Variants in TRIM37 observed in about 807,000 individuals in gnomAD.
TRIM37 encodes the protein tripartite motif containing 37, also known as E3 ubiquitin-protein ligase TRIM37.
Under a neutral mutation model 129.8 loss-of-function variants are expected in TRIM37, and 80 were observed. The observed-to-expected ratio is 0.62, with a 90% CI of 0.51 to 0.74. The LOEUF (loss-of-function observed/expected upper bound fraction) is 0.74, where lower values mean the gene tolerates loss of function less well. TRIM37 is among the 30% of genes least tolerant of loss of function. The pLI, the probability that TRIM37 is intolerant of heterozygous loss-of-function variation, is 0.00. For synonymous variants in TRIM37, 389 were observed against 387.1 expected (o/e 1.00, Z -0.06); for missense variants, 1,054 against 1,176.5 (o/e 0.90, Z 1.52).
At chr17:58,977,806 A>ATG (rs2031107968), downstream of TRIM37, among the ~76,000 whole-genome samples, 1 of 152,104 alleles carries the variant, frequency 6.6e-6, no homozygotes, top group Admixed American at 6.5e-5. Context: ...GCAGTGGCGC[A>ATG]ATCTGGGCTC....
intron 19 of TRIM37, among the ~76,000 whole-genome samples, chr17:59,025,823 C>T (rs1167377662): frequency 6.6e-6 from 1 of 152,142 alleles, no homozygotes; most frequent in African/African-American, 2.4e-5. Flanking sequence ...AAAAGCTGTA[C>T]TTTTGGTTTT....
chr17:59,098,498 C>T (rs748379772), intron 2 of TRIM37, among the ~76,000 whole-genome samples: 17 of 151,868 alleles, frequency 1.1e-4, no homozygotes, highest in Non-Finnish European at 2.1e-4. Flanking sequence ...AACCCTGTCT[C>T]TACAAAAAAT....
intron 13 of TRIM37, among the ~76,000 whole-genome samples, chr17:59,056,036 AT>A (rs1463304092): frequency 1.3e-5 from 2 of 152,194 alleles, no homozygotes; most frequent in Non-Finnish European, 2.9e-5. Context: ...GCTTTATAAA[AT>A]TAAGTTGTAA....
In TRIM37 at chr17:59,079,833, A is replaced by C. The variant is rs756702082; in HGVS notation, c.537T>G (p.Val179=). The C allele has an allele frequency of 5.6e-6, 9 of 1,614,058 alleles. No individual in the cohort carries two copies. Among genetic ancestry groups the C allele is most frequent in the Non-Finnish European group, 6.8e-6 (8 of 1,179,978 alleles). Residue 179 remains valine, a synonymous_variant, in exon 7 of 24, where the codon GTT becomes GTG. Coordinates refer to ENST00000262294, the MANE Select transcript of TRIM37 (RefSeq NM_015294.6). ...TCTCCACTGCATTCCTAATTTCCCG[A>C]ACACGCTCATCTTTTGCATTTCTTA... ...EAVRNAKDER[V]REIRNAVEMM...
chr17:58,989,028 C>T (rs1467419189), intron 24 of TRIM37, among the ~76,000 whole-genome samples: 3 of 152,096 alleles, frequency 2.0e-5, no homozygotes, highest in Non-Finnish European at 4.4e-5. Flanking sequence ...AAACTATTCA[C>T]CAAAGTATCT....
At chr17:59,003,314 A>G (rs2144589465) in intron 22 of TRIM37, among the ~76,000 whole-genome samples, 1 of 152,358 alleles carries the variant, frequency 6.6e-6, no homozygotes, top group Middle Eastern at 3.4e-3. Flanking sequence ...TCAAAGTAAG[A>G]TTTATGTGCC....
At chr17:58,972,074 TAAG>T in the TRIM37 span, 5 of 1,515,868 alleles carry the variant, frequency 3.3e-6, no homozygotes, top group Non-Finnish European at 4.5e-6. Flanking sequence ...TGCTTCTCAA[TAAG>T]AATGTAGTAT....
intron 3 of TRIM37, 107 bp from the exon 4 acceptor site, chr17:59,088,514 A>T: frequency 1.3e-6 from 1 of 767,214 alleles, no homozygotes; most frequent in Non-Finnish European, 2.2e-6. Context: ...ATACCATAAC[A>T]CTATTTTTTT....
chr17:58,996,492 G>A (rs1431429393), downstream of TRIM37, among the ~76,000 whole-genome samples: 2 of 148,406 alleles, frequency 1.3e-5, no homozygotes, highest in Non-Finnish European at 1.5e-5. Flanking sequence ...AAAAAAATCA[G>A]TATCAGGCCA....
chr17:59,066,545 T>C (rs2041933446), intron 9 of TRIM37, among the ~76,000 whole-genome samples: 1 of 152,152 alleles, frequency 6.6e-6, no homozygotes, highest in Admixed American at 6.5e-5. Flanking sequence ...AATGGTGAAG[T>C]AGAAAGCTTC....
chr17:58,980,670 G>A (rs2031302892), downstream of TRIM37: 1 of 1,614,062 alleles, frequency 6.2e-7, no homozygotes, highest in African/African-American at 1.3e-5. This position sits in a 1 kb window ranked among gnomAD's most constrained non-coding sequence, Gnocchi z 4.7. Context: ...GGTTCAACAG[G>A]GGAGCAGATA....
At chr17:59,025,165 T>G (rs2037092046) in intron 19 of TRIM37, among the ~76,000 whole-genome samples, 1 of 152,116 alleles carries the variant, frequency 6.6e-6, no homozygotes, top group South Asian at 2.1e-4. Flanking sequence ...GCATCATATT[T>G]CAAAAAACAT....
chr17:59,014,485 T>C (rs2035662824), intron 21 of TRIM37, among the ~76,000 whole-genome samples: 1 of 152,184 alleles, frequency 6.6e-6, no homozygotes, highest in African/African-American at 2.4e-5. Flanking sequence ...TTTGAGTTTA[T>C]GTCTCCTAGG....
intron 17 of TRIM37, among the ~76,000 whole-genome samples, chr17:59,039,723 G>A (rs1422565323): frequency 1.3e-5 from 2 of 152,002 alleles, no homozygotes; most frequent in African/African-American, 4.8e-5. Flanking sequence ...AGTTCCTCCT[G>A]ACTAAAGAAT....
chr17:59,011,441 A>C (rs1377220701), intron 22 of TRIM37, among the ~76,000 whole-genome samples: 1 of 152,230 alleles, frequency 6.6e-6, no homozygotes, highest in Non-Finnish European at 1.5e-5. Flanking sequence ...AGATGCTGGC[A>C]CCTGTATGTA....
At chr17:59,013,303 C>A (rs896517541) in intron 21 of TRIM37, among the ~76,000 whole-genome samples, 2 of 152,062 alleles carry the variant, frequency 1.3e-5, no homozygotes, top group African/African-American at 4.8e-5. Context: ...AGCACCACGC[C>A]CGGCAATTTT....
chr17:58,989,499 C>G (rs1291482482), intron 24 of TRIM37, among the ~76,000 whole-genome samples: 1 of 152,022 alleles, frequency 6.6e-6, no homozygotes, highest in Non-Finnish European at 1.5e-5. Context: ...TATGCAAGAT[C>G]ATATGGGTGA....
chr17:59,064,421 C>T lies in TRIM37; in HGVS notation c.810-16G>A. ...CACTAATTCACTAAAAAAAAAAAGGCAAAAAAAATTATTTAGCTTACATGT... is the reference window on the plus strand; with the variant it reads ...CACTAATTCACTAAAAAAAAAAAGGTAAAAAAAATTATTTAGCTTACATGT... On this transcript the variant is annotated splice_polypyrimidine_tract_variant and intron_variant, in intron 9 of 23. Coordinates refer to ENST00000262294, the MANE Select transcript of TRIM37 (RefSeq NM_015294.6). The T allele has an allele frequency of 6.6e-7, 1 of 1,518,108 alleles. No homozygotes were observed. The highest frequency in any genetic ancestry group is 9.0e-7 in the Non-Finnish European group (1 of 1,114,332). The allele number at this position is 1,518,108 out of a possible 1,614,324, so 94.0% of individuals were successfully genotyped here.
chr17:59,060,331 CTT>C (rs752461399), intron 12 of TRIM37, among the ~76,000 whole-genome samples: 20 of 141,060 alleles, frequency 1.4e-4, no homozygotes, highest in African/African-American at 2.6e-4. Flanking sequence ...TTCATGAGGT[CTT>C]TTTTTTTTTT....
Sources: gnomAD v4.1 joint callset for allele counts (sites outside exome capture counted in the v4.1 genomes callset) on GRCh38, gnomAD v4.1.1 for gene constraint, Gnocchi (gnomAD v3.1) non-coding constraint, MANE v1.5 for transcripts, NCBI Gene and HGNC (gene_info 2026-07-23, HGNC 2026-07-21) for gene names.